The following UNC13C variants were observed in gnomAD, a reference collection of about 807,000 sequenced individuals.
UNC13C encodes unc-13 homolog C, also known as protein unc-13 homolog C.
A neutral mutation model predicts 245.4 loss-of-function variants in UNC13C; 174 were observed. The ratio of observed to expected loss-of-function variants is 0.71; its 90% CI spans 0.63 to 0.80. The LOEUF (loss-of-function observed/expected upper bound fraction) is 0.80. UNC13C is among the 30% of genes least tolerant of loss of function. UNC13C has a pLI of 0.00. For synonymous variants in UNC13C, 992 were observed against 895.1 expected (o/e 1.11, Z -1.93); for missense variants, 2,829 against 2,602.9 (o/e 1.09, Z -1.89).
intron 13 of UNC13C, among the ~76,000 whole-genome samples, chr15:54,316,836 C>T (rs562713946): frequency 6.6e-6 from 1 of 152,082 alleles, no homozygotes; most frequent in African/African-American, 2.4e-5. Context: ...GCCTGCTCCT[C>T]CATCCTATGG....
At chr15:54,462,353 C>A (rs1413191740) in intron 19 of UNC13C, among the ~76,000 whole-genome samples, 1 of 152,228 alleles carries the variant, frequency 6.6e-6, no homozygotes, top group African/African-American at 2.4e-5. Flanking sequence ...CCACTGTGGC[C>A]ATGCTTGAGG....
At chr15:54,040,513 A>G (rs949063940) in intron 2 of UNC13C, among the ~76,000 whole-genome samples, 1 of 152,000 alleles carries the variant, frequency 6.6e-6, no homozygotes, top group Non-Finnish European at 1.5e-5. Context: ...TTTGAGAAAC[A>G]CTCTCTAGGG....
At chr15:53,886,670 C>T in the UNC13C span, among the ~76,000 whole-genome samples, 1 of 151,990 alleles carries the variant, frequency 6.6e-6, no homozygotes, top group African/African-American at 2.4e-5. Context: ...AAGAACACAG[C>T]ATTAAAAAGG....
At chr15:54,503,346 GA>G (rs760719280) in intron 22 of UNC13C, among the ~76,000 whole-genome samples, 9 of 151,196 alleles carry the variant, frequency 6.0e-5, no homozygotes, top group Non-Finnish European at 1.3e-4. Context: ...TTACTATACA[GA>G]ATAATAAATA....
In UNC13C at chr15:54,515,107, G is replaced by A. The variant is rs74016639; in HGVS notation, c.5457+3277G>A. 9.0e-3 allele frequency among the ~76,000 whole-genome samples: 1,363 copies of A among 152,106 alleles called. 30 individuals carry two copies. Among genetic ancestry groups the A allele is most frequent in the African/African-American group, 0.032 (1,311 of 41,498 alleles). On this transcript the variant is annotated intron_variant, in intron 24 of 32. Coordinates refer to ENST00000260323, the MANE Select transcript of UNC13C (RefSeq NM_001080534.3). ...TATAAAAAAAAATCTCACAAACCAC[G>A]AAGAAAAACTAACCTTTAGGAATGG...
chr15:54,452,437 G>T (rs1010164866), intron 19 of UNC13C, among the ~76,000 whole-genome samples: 5 of 152,144 alleles, frequency 3.3e-5, no homozygotes, highest in Admixed American at 6.5e-5. Context: ...TGTCCCACAG[G>T]TGGTGTATAG....
chr15:54,143,816 G>T, intron 4 of UNC13C, 132 bp downstream of exon 4: 1 of 590,052 alleles, frequency 1.7e-6, no homozygotes, highest in African/African-American at 1.9e-5. Flanking sequence ...TTACAATAAA[G>T]TTGACATTAT....
At chr15:53,995,649 A>G (rs1326317298) in intron 1 of UNC13C, among the ~76,000 whole-genome samples, 1 of 152,136 alleles carries the variant, frequency 6.6e-6, no homozygotes, top group Admixed American at 6.5e-5. Context: ...TCATGTGACC[A>G]CCCAGATAGA....
intron 2 of UNC13C, among the ~76,000 whole-genome samples, chr15:54,036,495 C>G (rs949882890): frequency 6.6e-6 from 1 of 152,014 alleles, no homozygotes; most frequent in Middle Eastern, 3.2e-3. Context: ...GTCGTTCTGT[C>G]TCAGTTCTTC....
chr15:54,206,258 A>C (rs2034704529), intron 4 of UNC13C, among the ~76,000 whole-genome samples: 1 of 152,026 alleles, frequency 6.6e-6, no homozygotes, highest in South Asian at 2.1e-4. Context: ...AGTCACTTAC[A>C]ACCCATTATC....
chr15:54,506,021 G>A (rs1377914679), intron 22 of UNC13C, among the ~76,000 whole-genome samples: 2 of 152,038 alleles, frequency 1.3e-5, no homozygotes, highest in East Asian at 1.9e-4. Context: ...TTTAGAAAAC[G>A]ATAACAAAGG....
At chr15:54,317,054 G>T (rs991195318) in intron 13 of UNC13C, among the ~76,000 whole-genome samples, 1 of 151,848 alleles carries the variant, frequency 6.6e-6, no homozygotes, top group Non-Finnish European at 1.5e-5. Context: ...TGACCAGATG[G>T]CTTGAATAGG....
At chr15:54,044,534 A>T (rs1262853844) in intron 2 of UNC13C, 1 of 210,494 alleles carries the variant, frequency 4.8e-6, no homozygotes, top group East Asian at 1.4e-4. Context: ...ACAACCTGAC[A>T]ATCCCACCAG....
At chr15:53,872,811 C>G in the UNC13C span, among the ~76,000 whole-genome samples, 1 of 152,150 alleles carries the variant, frequency 6.6e-6, no homozygotes, top group South Asian at 2.1e-4. Flanking sequence ...CTCTCATTAT[C>G]CTTCTAGGCT....
chr15:53,991,186 T>C (rs1410319923), intron 1 of UNC13C, among the ~76,000 whole-genome samples: 1 of 151,960 alleles, frequency 6.6e-6, no homozygotes, highest in Non-Finnish European at 1.5e-5. Context: ...CTTAGAAGGG[T>C]ATATATATGT....
the UNC13C span, among the ~76,000 whole-genome samples, chr15:53,884,524 T>C: frequency 6.6e-6 from 1 of 152,024 alleles, no homozygotes; most frequent in Admixed American, 6.6e-5. Flanking sequence ...TTTGGAGAAA[T>C]GGGGCTCACT....
intron 8 of UNC13C, among the ~76,000 whole-genome samples, chr15:54,259,816 C>G (rs1016616936): frequency 6.6e-6 from 1 of 152,192 alleles, no homozygotes; most frequent in Non-Finnish European, 1.5e-5. Context: ...GATGGGAATA[C>G]AGCCTCTGTT....
At position 54,301,514 on chromosome 15, in the gene UNC13C, C is replaced by A. The variant is rs141662239; in HGVS notation, c.4268+1141C>A. Among the ~76,000 whole-genome samples, 276 of 152,240 alleles carry A rather than the reference C, an allele frequency of 1.8e-3. 1 individual carries two copies. The highest frequency in any genetic ancestry group is 6.3e-3 in the African/African-American group (262 of 41,536). ...CCATGTGTTCTCATTGTTCAGCTCT[C>A]ACTTTTGAGTGAGAACATGCAGTGT... is the stretch of plus-strand genomic sequence containing the variant. On this transcript the variant is annotated intron_variant, in intron 13 of 32. Coordinates refer to ENST00000260323, the MANE Select transcript of UNC13C (RefSeq NM_001080534.3).
At chr15:54,021,815 A>G (rs1225511721) in intron 2 of UNC13C, among the ~76,000 whole-genome samples, 1 of 152,180 alleles carries the variant, frequency 6.6e-6, no homozygotes, top group Non-Finnish European at 1.5e-5. Context: ...TACCTTTTCT[A>G]TCTTTGAATA....
Sources: allele counts gnomAD v4.1 joint callset (sites outside exome capture counted in the v4.1 genomes callset), GRCh38; gene constraint gnomAD v4.1.1; transcripts MANE v1.5; gene names NCBI Gene and HGNC (gene_info 2026-07-23, HGNC 2026-07-21).